PTPRD: variants seen among roughly 807,000 people sequenced by gnomAD.
PTPRD encodes protein tyrosine phosphatase receptor type D, also known as receptor-type tyrosine-protein phosphatase delta.
Under a neutral mutation model 214.5 loss-of-function variants are expected in PTPRD, and 34 were observed. The ratio of observed to expected loss-of-function variants is 0.16; its 90% CI spans 0.12 to 0.21. PTPRD has a LOEUF of 0.21. Ranked by LOEUF, PTPRD falls within the 10% of genes least tolerant of loss-of-function variation. The probability of loss-of-function intolerance (pLI) is 1.00; values close to 1 mark genes in which losing one functional copy is unlikely to be tolerated. For synonymous variants in PTPRD, 1,128 were observed against 845.7 expected (o/e 1.33, Z -5.79); for missense variants, 2,545 against 2,398.7 (o/e 1.06, Z -1.27).
chr9:8,893,617 A>C (rs1432712044), intron 11 of PTPRD, among the ~76,000 whole-genome samples: 3 of 152,222 alleles, frequency 2.0e-5, no homozygotes, highest in African/African-American at 4.8e-5. Context: ...CTTTGAGAGC[A>C]CTTTGGCACA....
At chr9:9,029,096 T>A (rs1472275271) in intron 10 of PTPRD, among the ~76,000 whole-genome samples, 1 of 151,916 alleles carries the variant, frequency 6.6e-6, no homozygotes, top group African/African-American at 2.4e-5. Context: ...TATTAGTCAT[T>A]ATTATCTATT....
At chr9:9,502,639 G>A (rs748655413) in intron 8 of PTPRD, among the ~76,000 whole-genome samples, 55 of 151,824 alleles carry the variant, frequency 3.6e-4, no homozygotes, top group Non-Finnish European at 6.6e-4. Context: ...AAGCAAGATT[G>A]TTTATAGCAG....
intron 3 of PTPRD, among the ~76,000 whole-genome samples, chr9:10,090,920 AC>A (rs1314034980): frequency 4.2e-5 from 1 of 23,928 alleles, no homozygotes; most frequent in Non-Finnish European, 6.8e-5. Flanking sequence ...AATGAAATAT[AC>A]ACACACACAC....
In PTPRD at chr9:8,486,227, C is replaced by T. The variant is rs374373402; in HGVS notation, c.2590G>A (p.Asp864Asn). ...QGYRLKFGRK[D>N]MEPLTTLEFS... ...TCAAGAGTAGTAAGTGGCTCCATAT[C>T]CTTGCGGCCAAATTTTAGACGGTAG... Residue 864 changes from aspartate to asparagine, a missense_variant, in exon 28 of 46, where the codon GAT (aspartate) becomes AAT (asparagine). Asp to Asn is a conservative substitution (Grantham distance 23, BLOSUM62 1). Transcript: ENST00000381196. 98 of 1,614,056 alleles carry T rather than the reference C, an allele frequency of 6.1e-5. No individual in the cohort carries two copies. Among genetic ancestry groups the T allele is most frequent in the Non-Finnish European group, 8.2e-5 (97 of 1,180,032 alleles).
chr9:10,136,301 C>A, intron 3 of PTPRD, among the ~76,000 whole-genome samples: 1 of 152,000 alleles, frequency 6.6e-6, no homozygotes. Flanking sequence ...CTTCAACGTT[C>A]CACTAACAGT....
At chr9:10,379,225 T>A (rs2097778045) in intron 2 of PTPRD, among the ~76,000 whole-genome samples, 2 of 151,768 alleles carry the variant, frequency 1.3e-5, no homozygotes, top group Non-Finnish European at 2.9e-5. Context: ...AAAGGATTTG[T>A]TTGTTAGTTC....
At chr9:9,838,704 AT>A (rs76150499) in intron 5 of PTPRD, among the ~76,000 whole-genome samples, 25 of 151,784 alleles carry the variant, frequency 1.6e-4, no homozygotes, top group Non-Finnish European at 3.1e-4. Context: ...ATTTTCTCCC[AT>A]TTTTTTAGGT....
intron 9 of PTPRD, among the ~76,000 whole-genome samples, chr9:9,188,959 A>G (rs768930165): frequency 6.6e-6 from 1 of 152,084 alleles, no homozygotes; most frequent in Non-Finnish European, 1.5e-5. Context: ...GTGGTGAATT[A>G]AAGATGACAA....
rs531240643 is a variant in PTPRD, at chr9:9,090,212, C to T, written c.-142-71477G>A. Among the ~76,000 whole-genome samples the T allele has an allele frequency of 4.6e-5, 7 of 152,234 alleles. No homozygotes were observed. The South Asian group carries it at 6.2e-4, about 14-fold the overall frequency. On this transcript the variant is annotated intron_variant, in intron 10 of 45. Transcript: ENST00000381196. ...ACCTACCTCTCTTCATCTCCCTGGC[C>T]CTCCATACCCTTCTCAGCCTCTGGT...
intron 8 of PTPRD, among the ~76,000 whole-genome samples, chr9:9,546,133 A>G (rs2078752365): frequency 6.6e-6 from 1 of 151,532 alleles, no homozygotes; most frequent in Non-Finnish European, 1.5e-5. Flanking sequence ...TTCACTAAAT[A>G]TATAGTTTCA....
intron 10 of PTPRD, among the ~76,000 whole-genome samples, chr9:9,064,531 C>G (rs980045045): frequency 6.6e-6 from 1 of 152,170 alleles, no homozygotes; most frequent in Non-Finnish European, 1.5e-5. Flanking sequence ...ATTTCAAGGT[C>G]AGACTCTTTC....
At chr9:9,722,465 A>G (rs1197830018) in intron 7 of PTPRD, among the ~76,000 whole-genome samples, 1 of 152,092 alleles carries the variant, frequency 6.6e-6, no homozygotes, top group Non-Finnish European at 1.5e-5. Flanking sequence ...AAATTTATTC[A>G]TCAATTGATG....
chr9:10,410,253 G>GTATATATATATATATATATATATATA (rs34284610), intron 2 of PTPRD, among the ~76,000 whole-genome samples: 233 of 126,072 alleles, frequency 1.8e-3, no homozygotes, highest in East Asian at 0.014. Context: ...CATATTTTGT[G>GTATATATATATATATATATATATATA]TATATATATA....
intron 11 of PTPRD, among the ~76,000 whole-genome samples, chr9:8,802,107 T>A (rs10815952): frequency 0.18 from 26,790 of 152,144 alleles, 3,079 homozygotes; most frequent in Middle Eastern, 0.3. Context: ...CTTAATATAC[T>A]CTTTAAATGT....
intron 4 of PTPRD, among the ~76,000 whole-genome samples, chr9:9,955,521 G>GTTTTTTTTTTTTTT (rs1194987444): frequency 6.2e-5 from 9 of 145,548 alleles, no homozygotes; most frequent in African/African-American, 2.4e-4. Flanking sequence ...GTTTTGTTTT[G>GTTTTTTTTTTTTTT]TTTTGTTTTT....
rs567454349 is a variant in PTPRD at position 10,176,857 on chromosome 9, T to A, written c.-544-143067A>T. Among the ~76,000 whole-genome samples, 31 of 152,122 alleles carry A rather than the reference T, an allele frequency of 2.0e-4. No individual in the cohort carries two copies. The South Asian group carries it at 2.1e-3, about 10-fold the overall frequency. On this transcript the variant is annotated intron_variant, in intron 3 of 45. Coordinates refer to ENST00000381196, the MANE Select transcript of PTPRD (RefSeq NM_002839.4). ...ATAAACACTTAATGTCTAGTTTTTT[T>A]ATCAATAAAGTGAGTGGGATCAGTT...
intron 5 of PTPRD, among the ~76,000 whole-genome samples, chr9:9,900,017 G>A (rs919125498): frequency 5.9e-5 from 9 of 152,026 alleles, no homozygotes; most frequent in African/African-American, 2.2e-4. Flanking sequence ...CCAGAGGCTG[G>A]GGGGAAAACA....
At chr9:9,814,686 T>G (rs2048195695) in intron 5 of PTPRD, among the ~76,000 whole-genome samples, 2 of 151,876 alleles carry the variant, frequency 1.3e-5, no homozygotes, top group African/African-American at 4.8e-5. Flanking sequence ...TCAAACAATC[T>G]ACAGGTTCCA....
intron 9 of PTPRD, among the ~76,000 whole-genome samples, chr9:9,260,146 A>G (rs1167249172): frequency 1.3e-5 from 2 of 151,918 alleles, no homozygotes; most frequent in Non-Finnish European, 2.9e-5. Flanking sequence ...AGGTATGTAC[A>G]TAACATTATC....
Sources: gnomAD v4.1 joint callset for allele counts (sites outside exome capture counted in the v4.1 genomes callset) on GRCh38, gnomAD v4.1.1 for gene constraint, MANE v1.5 for transcripts, NCBI Gene and HGNC (gene_info 2026-07-23, HGNC 2026-07-21) for gene names.